The following PROK2 variants were observed in gnomAD, a reference collection of about 807,000 sequenced individuals.
PROK2 encodes prokineticin 2.
Under a neutral mutation model 14.2 loss-of-function variants are expected in PROK2, and 8 were observed. That is an observed-to-expected ratio of 0.56 (90% CI 0.33 to 1.02). PROK2 has a LOEUF of 1.02. Among genes scored for constraint, PROK2 ranks in the 50% least tolerant of loss-of-function variants. The pLI, the probability that PROK2 is intolerant of heterozygous loss-of-function variation, is 0.03. For synonymous variants in PROK2, 59 were observed against 60.7 expected (o/e 0.97, Z 0.13); for missense variants, 154 against 160.4 (o/e 0.96, Z 0.22).
chr3:71,773,966 G>A (rs1387574090), intron 3 of PROK2, among the ~76,000 whole-genome samples: 1 of 152,180 alleles, frequency 6.6e-6, no homozygotes, highest in Non-Finnish European at 1.5e-5. Flanking sequence ...TGTCTTACAA[G>A]TTATACGGAG....
rs1335618174 is a variant in PROK2 at position 71,784,991 on chromosome 3, G to A, written c.62C>T (p.Thr21Met). The A allele has an allele frequency of 3.2e-6, 4 of 1,249,118 alleles. No individual in the cohort carries two copies. The Admixed American group carries it at 1.3e-4, about 39-fold the overall frequency. 77.4% of individuals were successfully genotyped at this position (1,249,118 alleles called of 1,614,324 possible). ...LLLLLPPLLL[T>M]PRAGDAAVIT... ...CACGGCGGCGTCCCCAGCGCGGGGC[G>A]TGAGCAGCAGCGGCGGCAGCAGCAA... The change falls in exon 1 of 4, where the codon ACG becomes ATG. Residue 21 changes from threonine to methionine, a missense_variant. Thr to Met is a moderately conservative substitution (Grantham distance 81). Transcript: ENST00000295619.
chr3:71,772,603 A>G lies in PROK2; in HGVS notation c.*121T>C. ...TTTACAAATCAAAGATAAAAATGTT[A>G]CTTGGAAAGTTGAGGAAGCAAGAGC... On this transcript the variant is annotated 3_prime_UTR_variant, in exon 4 of 4. Coordinates refer to ENST00000295619, the MANE Select transcript of PROK2 (RefSeq NM_001126128.2). 2 of 824,276 alleles carry G rather than the reference A, an allele frequency of 2.4e-6. No individual in the cohort carries two copies. The highest frequency in any genetic ancestry group is 4.1e-6 in the Non-Finnish European group (2 of 492,006). The allele number at this position is 824,276 out of a possible 1,614,324, so 51.1% of individuals were successfully genotyped here. A position where few individuals can be genotyped will look rare whatever the true frequency, so the allele number is the denominator to read the frequency against.
At chr3:71,778,676 T>G (rs1308218334) in intron 2 of PROK2, among the ~76,000 whole-genome samples, 4 of 152,220 alleles carry the variant, frequency 2.6e-5, no homozygotes, top group Admixed American at 2.6e-4. Flanking sequence ...TTCATCAGTA[T>G]GTATTGAGGA....
rs149027003 is a variant in PROK2, at chr3:71,784,481, G to A, written c.96+476C>T. 7.2e-4 allele frequency among the ~76,000 whole-genome samples: 110 copies of A among 152,316 alleles called. 1 individual carries two copies. Among genetic ancestry groups the A allele is most frequent in the African/African-American group, 2.4e-3 (100 of 41,566 alleles). On this transcript the variant is annotated intron_variant, in intron 1 of 3. Transcript: ENST00000295619. ...ATTTCAAAGGGTTTCTGCGGAGGACGCATCGGGGAGCAAACTCTTTGACTG... is the reference window on the plus strand; with the variant it reads ...ATTTCAAAGGGTTTCTGCGGAGGACACATCGGGGAGCAAACTCTTTGACTG...
intron 2 of PROK2, among the ~76,000 whole-genome samples, chr3:71,777,292 T>C (rs1345793964): frequency 6.6e-6 from 1 of 152,222 alleles, no homozygotes; most frequent in Non-Finnish European, 1.5e-5. Context: ...GACATTGTGA[T>C]AGGAAAGATG....
chr3:71,781,927 T>C (rs2050163501), intron 1 of PROK2, among the ~76,000 whole-genome samples: 1 of 152,142 alleles, frequency 6.6e-6, no homozygotes, highest in South Asian at 2.1e-4. Context: ...AACAAGACTA[T>C]ATTACTCTTA....
At chr3:71,783,155 G>A (rs150845765) in intron 1 of PROK2, among the ~76,000 whole-genome samples, 7 of 152,188 alleles carry the variant, frequency 4.6e-5, no homozygotes, top group African/African-American at 1.2e-4. Context: ...TCAATACCTC[G>A]AATTTTGAGG....
intron 1 of PROK2, among the ~76,000 whole-genome samples, chr3:71,782,488 A>C (rs2050167898): frequency 6.6e-6 from 1 of 152,240 alleles, no homozygotes; most frequent in Non-Finnish European, 1.5e-5. Flanking sequence ...GAAATAAATA[A>C]TAAAATCTAA....
chr3:71,778,152 A>C (rs1341544499), intron 2 of PROK2, among the ~76,000 whole-genome samples: 2 of 151,628 alleles, frequency 1.3e-5, no homozygotes, highest in African/African-American at 2.4e-5. Context: ...AGCCGAGATC[A>C]CACCACTGCA....
intron 2 of PROK2, among the ~76,000 whole-genome samples, chr3:71,778,383 T>C (rs1301808850): frequency 1.3e-5 from 2 of 152,130 alleles, no homozygotes; most frequent in Non-Finnish European, 1.5e-5. Flanking sequence ...TTCAAAACTA[T>C]ACAATTATAA....
intron 1 of PROK2, 33 bp from the exon 2 acceptor site, chr3:71,781,625 A>T: frequency 1.3e-6 from 2 of 1,599,820 alleles, no homozygotes; most frequent in Non-Finnish European, 1.7e-6. Context: ...ATAAATATAG[A>T]TAACAGGAAA....
chr3:71,783,465 G>C (rs1236876799), intron 1 of PROK2, among the ~76,000 whole-genome samples: 1 of 152,120 alleles, frequency 6.6e-6, no homozygotes, highest in Non-Finnish European at 1.5e-5. Flanking sequence ...CAGCCAATGT[G>C]ATAAAATTTT....
rs2050090505 is a variant in PROK2, at chr3:71,772,809, C to A, written c.305G>T (p.Arg102Met). The A allele has an allele frequency of 6.2e-7, 1 of 1,613,978 alleles. No individual in the cohort carries two copies. Among genetic ancestry groups the A allele is most frequent in the African/African-American group, 1.3e-5 (1 of 74,904 alleles). The change falls in exon 4 of 4, where the codon AGG becomes ATG. Residue 102 changes from arginine to methionine, a missense_variant. Coordinates refer to ENST00000295619, the MANE Select transcript of PROK2 (RefSeq NM_001126128.2). ...RKKEVPFFGR[R>M]MHHTCPCLPG... is the part of the protein sequence containing the mutation. ...CAGACATGGGCAAGTGTGATGCATC[C>A]TCCGCCCAAAAAATGGAACCTAAAT...
rs1265434630 is a variant in PROK2 at position 71,774,450 on chromosome 3, T to C, written c.280A>G (p.Lys94Glu). 1 of 1,551,552 alleles carries C rather than the reference T, an allele frequency of 6.4e-7. No individual in the cohort carries two copies. Among genetic ancestry groups the C allele is most frequent in the South Asian group, 1.2e-5 (1 of 84,022 alleles). Residue 94 changes from lysine to glutamate, a missense_variant, in exon 3 of 4, where the codon AAG becomes GAG. By Grantham distance (56) the Lys-to-Glu change is moderately conservative (BLOSUM62 1). Transcript: ENST00000295619. Reference protein sequence around the residue: ...RRKRKRSKRKKEVPFFGRRMH... With the variant: ...RRKRKRSKRKEEVPFFGRRMH... ...CACATTCGCATTCTTCTTACCTCCT[T>C]TTTCCTTTTGCTTCTCTTCCTCTTT... is the stretch of plus-strand genomic sequence containing the variant.
At position 71,785,022 on chromosome 3, in the gene PROK2, G is replaced by A; in HGVS notation, c.31C>T (p.Leu11Phe). The A allele has an allele frequency of 1.6e-6, 2 of 1,246,406 alleles. No homozygotes were observed. Among genetic ancestry groups the A allele is most frequent in the Non-Finnish European group, 1.0e-6 (1 of 992,158 alleles). 77.2% of individuals were successfully genotyped at this position (1,246,406 alleles called of 1,614,324 possible). The change falls in exon 1 of 4, where the codon CTC becomes TTC. Residue 11 changes from leucine to phenylalanine, a missense_variant. By Grantham distance (22) the Leu-to-Phe change is conservative. Transcript: ENST00000295619. ...AGCAGCGGCGGCAGCAGCAAGAGGA[G>A]CAGGAGTGGGGCGCAGCACAGGCTC... MRSLCCAPLL[L>F]LLLLPPLLLT...
intron 2 of PROK2, among the ~76,000 whole-genome samples, chr3:71,777,094 G>C (rs1162082355): frequency 6.6e-6 from 1 of 152,176 alleles, no homozygotes; most frequent in Non-Finnish European, 1.5e-5. Flanking sequence ...ATCCTGCTTG[G>C]AATATTGTAC....
intron 2 of PROK2, among the ~76,000 whole-genome samples, chr3:71,774,865 C>T (rs1175427406): frequency 4.6e-5 from 7 of 152,106 alleles, no homozygotes; most frequent in Admixed American, 2.0e-4. Flanking sequence ...TGATCATCAA[C>T]GACCTTTATA....
At chr3:71,777,267 T>A (rs570030746) in intron 2 of PROK2, among the ~76,000 whole-genome samples, 1 of 152,354 alleles carries the variant, frequency 6.6e-6, no homozygotes, top group African/African-American at 2.4e-5. Flanking sequence ...GAAATAATCA[T>A]AGACAGTAGC....
At chr3:71,781,344 C>G in intron 2 of PROK2, 123 bp downstream of exon 2, 1 of 1,280,748 alleles carries the variant, frequency 7.8e-7, no homozygotes, top group African/African-American at 1.5e-5. Context: ...ACACTGTTAT[C>G]CTTGCTAATG....
Sources: gnomAD v4.1 joint callset for allele counts (sites outside exome capture counted in the v4.1 genomes callset) on GRCh38, gnomAD v4.1.1 for gene constraint, MANE v1.5 for transcripts, NCBI Gene and HGNC (gene_info 2026-07-23, HGNC 2026-07-21) for gene names.